The following HSP90B1 variants were observed in gnomAD, a reference collection of about 807,000 sequenced individuals.
HSP90B1 encodes the protein endoplasmin.
A neutral mutation model predicts 100.4 loss-of-function variants in HSP90B1; 27 were observed. The ratio of observed to expected loss-of-function variants is 0.27; its 90% confidence interval spans 0.20 to 0.37. The LOEUF is 0.37. Among genes scored for constraint, HSP90B1 ranks in the 10% least tolerant of loss-of-function variants. The pLI is 1.00. For missense variants in HSP90B1, 678 were observed against 960.5 expected, an observed-to-expected ratio of 0.71 and a Z score of 3.89; for synonymous variants, 304 against 330.8, an observed-to-expected ratio of 0.92 and a Z score of 0.88.
Position 103,942,473 on chromosome 12 carries a change from T to A in HSP90B1, c.1375-54T>A, listed in dbSNP as rs919463634. On this transcript the variant is annotated intron_variant, in intron 11 of 17. Transcript: ENST00000299767. ...ACACTCCTGCCTGGGTACCTTACAT[T>A]CTCAAAAGTTGGAGATTAACTTCTC... is the stretch of plus-strand genomic sequence containing the variant. The A allele has an allele frequency of 1.2e-5, 19 of 1,545,312 alleles. No homozygotes were observed. In the African/African-American group the frequency reaches 2.2e-4, roughly 18 times the overall value.
At position 103,930,604 on chromosome 12, in the gene HSP90B1, A is replaced by G. The variant is rs1869717485; in HGVS notation, c.49+40A>G. 2.5e-6 allele frequency: 4 copies of G among 1,579,782 alleles called. No homozygotes were observed. Among genetic ancestry groups the G allele is most frequent in the East Asian group, 4.6e-5 (2 of 43,118 alleles). ...AGGAGCAGACGTCCCCCCTCCACAC[A>G]CGCGGCCGCTTCTCGAAGGTCCTGG... On this transcript the variant is annotated intron_variant, in intron 1 of 17. Coordinates refer to ENST00000299767, the MANE Select transcript of HSP90B1 (RefSeq NM_003299.3). This position sits in a 1 kb window ranked among gnomAD's most constrained non-coding sequence, Gnocchi z 4.4.
chr12:103,942,928 C>T, intron 12 of HSP90B1, 132 bp downstream of exon 12: 1 of 1,418,446 alleles, frequency 7.0e-7, no homozygotes, highest in Non-Finnish European at 9.6e-7. Flanking sequence ...CAGTCACTGA[C>T]AGGAAGGTCA....
chr12:103,946,599 CATTTTTATCTCTT>C lies in HSP90B1; in HGVS notation c.2028-17_2028-5del. The stretch of plus-strand genomic sequence containing the variant: ...AAATTGGATATGTTTTGTTAATGTT[CATTTTTATCTCTT>C]AACAGTTACTATGCGAGTCAGAAGA... On this transcript the variant is annotated splice_region_variant and splice_polypyrimidine_tract_variant and intron_variant, in intron 14 of 17. Coordinates refer to ENST00000299767, the MANE Select transcript of HSP90B1 (RefSeq NM_003299.3). 6.3e-7 allele frequency: 1 copy of C among 1,574,820 alleles called. No individual in the cohort carries two copies. The highest frequency in any genetic ancestry group is 8.7e-7 in the Non-Finnish European group (1 of 1,145,344).
At chr12:103,947,480 G>A (rs6539112) in intron 17 of HSP90B1, 50 bp downstream of exon 17, 1 of 1,613,658 alleles carries the variant, frequency 6.2e-7, no homozygotes, top group Non-Finnish European at 8.5e-7. Flanking sequence ...GGCAAAGTTA[G>A]GACAGAGTTT....
In HSP90B1 at chr12:103,937,792, G is replaced by T; in HGVS notation, c.841G>T (p.Val281Leu). The T allele has an allele frequency of 2.0e-6, 3 of 1,493,862 alleles. No individual in the cohort carries two copies. Among genetic ancestry groups the T allele is most frequent in the Non-Finnish European group, 2.8e-6 (3 of 1,072,820 alleles). 92.5% of individuals were successfully genotyped at this position (1,493,862 alleles called of 1,614,324 possible). Residue 281 changes from valine to leucine, a missense_variant, in exon 6 of 18, where the codon GTA (valine) becomes TTA (leucine). Physicochemically the swap from Val to Leu is conservative, Grantham distance 32 (BLOSUM62 1). Coordinates refer to ENST00000299767, the MANE Select transcript of HSP90B1 (RefSeq NM_003299.3). ...ACAGTTCATAAACTTTCCTATTTATGTATGGAGCAGCAAGGTAAATCTATA... is the reference window on the plus strand; with the variant it reads ...ACAGTTCATAAACTTTCCTATTTATTTATGGAGCAGCAAGGTAAATCTATA... ...YSQFINFPIY[V>L]WSSKTETVEE...
intron 16 of HSP90B1, 97 bp downstream of exon 16, chr12:103,947,038 A>G (rs1254092145): frequency 7.5e-7 from 1 of 1,330,962 alleles, no homozygotes. Context: ...TAGCTTTGCG[A>G]CATTTGCCTA....
Position 103,943,699 on chromosome 12 carries a change from G to A in HSP90B1, c.1891-39G>A. 1 of 1,593,188 alleles carries A rather than the reference G, an allele frequency of 6.3e-7. No individual in the cohort carries two copies. Among genetic ancestry groups the A allele is most frequent in the Non-Finnish European group, 8.6e-7 (1 of 1,167,476 alleles). On this transcript the variant is annotated intron_variant, in intron 13 of 17. Coordinates refer to ENST00000299767, the MANE Select transcript of HSP90B1 (RefSeq NM_003299.3). The surrounding 1 kb of genome is among the most constrained non-coding windows in gnomAD (Gnocchi z 5.3). ...AGACAATTGCTCAATGACCTTACCT[G>A]TTGATATTAATTTATATGACTTGAT...
At chr12:103,938,096 G>A (rs371359991) in intron 6 of HSP90B1, 23 of 401,548 alleles carry the variant, frequency 5.7e-5, no homozygotes, top group African/African-American at 4.4e-4. Context: ...GCTTGAACCC[G>A]GGAGACGGAG....
chr12:103,946,521 C>A (rs1449113159), intron 14 of HSP90B1, 97 bp from the exon 15 acceptor site: 10 of 816,488 alleles, frequency 1.2e-5, no homozygotes, highest in Admixed American at 2.6e-5. Flanking sequence ...TTTTTTTTTA[C>A]CAAGAGTTGT....
chr12:103,936,604 G>A (rs1437502), intron 5 of HSP90B1, among the ~76,000 whole-genome samples: 65,278 of 145,282 alleles, frequency 0.45, 14,867 homozygotes, highest in Non-Finnish European at 0.48. Flanking sequence ...CCATCATCAC[G>A]CCTGGGTGAC....
chr12:103,943,978 G>A lies in HSP90B1; in HGVS notation c.2027+104G>A, dbSNP rs1325462812. On this transcript the variant is annotated intron_variant, in intron 14 of 17. Transcript: ENST00000299767. The surrounding 1 kb of genome is among the most constrained non-coding windows in gnomAD (Gnocchi z 5.3). ...TACAAAGAGTAAAATTGCCTTAAAT[G>A]TCTACCACTGTCTACTATAAGGTAG... 1 of 964,750 alleles carries A rather than the reference G, an allele frequency of 1.0e-6. No homozygotes were observed. The highest frequency in any genetic ancestry group is 1.5e-6 in the Non-Finnish European group (1 of 668,002). The allele number at this position is 964,750 out of a possible 1,614,324, so 59.8% of individuals were successfully genotyped here. A position where few individuals can be genotyped will look rare whatever the true frequency, so the allele number is the denominator to read the frequency against.
chr12:103,938,385 G>A lies in HSP90B1; in HGVS notation c.901G>A (p.Glu301Lys), dbSNP rs1293862440. Residue 301 changes from glutamate to lysine, a missense_variant, in exon 7 of 18, where the codon GAA (glutamate) becomes AAA (lysine). Glu to Lys is a moderately conservative substitution (Grantham distance 56, BLOSUM62 1). Around this residue, in one of 8 missense-constraint regions of HSP90B1, gnomAD observed 238 missense variants for 346.7 expected, o/e 0.69. Coordinates refer to ENST00000299767, the MANE Select transcript of HSP90B1 (RefSeq NM_003299.3). ...CATGGAGGAAGAAGAAGCAGCCAAA[G>A]AAGAGAAAGAAGAATCTGATGATGA... ...EPMEEEEAAK[E>K]EKEESDDEAA... 6.3e-7 allele frequency: 1 copy of A among 1,576,520 alleles called. No individual in the cohort carries two copies. Among genetic ancestry groups the A allele is most frequent in the Non-Finnish European group, 8.7e-7 (1 of 1,155,138 alleles).
chr12:103,932,340 G>C lies in HSP90B1; in HGVS notation c.216G>C (p.Lys72Asn), dbSNP rs1869793080. ...NASQIRELRE[K>N]SEKFAFQAEV... ...CACAAATAAGAGAACTTAGAGAGAA[G>C]TCGGAAAAGTTTGCCTTCCAAGCCG... The change falls in exon 3 of 18, where the codon AAG (lysine) becomes AAC (asparagine). Residue 72 changes from lysine to asparagine, a missense_variant. This residue lies in a region of HSP90B1 where 88 missense variants were observed against 88.2 expected (regional missense o/e 1.00). Transcript: ENST00000299767. 1.2e-6 allele frequency: 2 copies of C among 1,612,932 alleles called. No homozygotes were observed. Among genetic ancestry groups the C allele is most frequent in the Admixed American group, 3.3e-5 (2 of 59,948 alleles).
chr12:103,932,394 C>T lies in HSP90B1; in HGVS notation c.270C>T (p.Ile90=), dbSNP rs1869795133. The change falls in exon 3 of 18, where the codon ATC becomes ATT. Residue 90 remains isoleucine, a synonymous_variant. Transcript: ENST00000299767. ...AEVNRMMKLI[I]NSLYKNKEIF... ...TTAACAGAATGATGAAACTTATCAT[C>T]AATTCATTGTATAAAAATAAAGAGG... 1 of 1,611,822 alleles carries T rather than the reference C, an allele frequency of 6.2e-7. No homozygotes were observed. The highest frequency in any genetic ancestry group is 8.5e-7 in the Non-Finnish European group (1 of 1,178,884).
chr12:103,941,183 A>C (rs1359787346), intron 8 of HSP90B1, among the ~76,000 whole-genome samples: 2 of 152,202 alleles, frequency 1.3e-5, no homozygotes, highest in Admixed American at 6.5e-5. Flanking sequence ...TCATCAAAAC[A>C]ACCATGTCTA....
In HSP90B1 at chr12:103,937,736, A is replaced by G. The variant is rs1323504068; in HGVS notation, c.785A>G (p.Asp262Gly). The G allele has an allele frequency of 6.2e-7, 1 of 1,600,474 alleles. No individual in the cohort carries two copies. The highest frequency in any genetic ancestry group is 1.7e-5 in the Admixed American group (1 of 59,902). ...KEEASDYLEL[D>G]TIKNLVKKYS... ...GAAGCATCTGATTACCTTGAATTGG[A>G]TACAATTAAAAATCTCGTCAAAAAA... The change falls in exon 6 of 18, where the codon GAT becomes GGT. Residue 262 changes from aspartate to glycine, a missense_variant. Asp to Gly is a moderately conservative substitution (Grantham distance 94, BLOSUM62 -1). Transcript: ENST00000299767.
intron 4 of HSP90B1, 115 bp from the exon 5 acceptor site, chr12:103,933,836 TATCTC>T (rs746735499): frequency 2.8e-6 from 2 of 709,732 alleles, no homozygotes; most frequent in Non-Finnish European, 4.7e-6. Flanking sequence ...TGGAGGAAAA[TATCTC>T]AGTTTAGTTT....
chr12:103,931,648 A>G, intron 2 of HSP90B1, 25 bp downstream of exon 2: 3 of 1,515,516 alleles, frequency 2.0e-6, no homozygotes, highest in Non-Finnish European at 2.7e-6. Flanking sequence ...GAACTTACGT[A>G]TACAGATAAG....
At position 103,934,251 on chromosome 12, in the gene HSP90B1, C is replaced by G; in HGVS notation, c.707C>G (p.Pro236Arg). 1 of 1,614,140 alleles carries G rather than the reference C, an allele frequency of 6.2e-7. No homozygotes were observed. ...DSNEFSVIAD[P>R]RGNTLGRGTT... Reference sequence around the variant, plus strand: ...AATGAATTTTCTGTAATTGCTGACCCAAGAGGAAACACTCTAGGACGGGGA... The same window carrying G: ...AATGAATTTTCTGTAATTGCTGACCGAAGAGGAAACACTCTAGGACGGGGA... The change falls in exon 5 of 18, where the codon CCA (proline) becomes CGA (arginine). Residue 236 changes from proline (P) to arginine (R), a missense_variant. Transcript: ENST00000299767.
Sources: allele counts gnomAD v4.1 joint callset (sites outside exome capture counted in the v4.1 genomes callset), GRCh38; gene constraint gnomAD v4.1.1; regional missense constraint gnomAD v4.1.1; non-coding constraint Gnocchi (gnomAD v3.1); transcripts MANE v1.5; gene names NCBI Gene and HGNC (gene_info 2026-07-23, HGNC 2026-07-21).